ZCCHC24: variants seen among roughly 807,000 people sequenced by gnomAD.
ZCCHC24 encodes the protein zinc finger CCHC-type containing 24, also known as zinc finger CCHC domain-containing protein 24.
ZCCHC24 carries 10 observed loss-of-function variants against 26.2 expected under a neutral mutation model. The ratio of observed to expected loss-of-function variants is 0.38; its 90% CI spans 0.24 to 0.65. The LOEUF (loss-of-function observed/expected upper bound fraction) is 0.65, where lower values mean the gene tolerates loss of function less well. Among genes scored for constraint, ZCCHC24 ranks in the 30% least tolerant of loss-of-function variants. The pLI is 0.54. For missense variants in ZCCHC24, 243 were observed against 329.1 expected (o/e 0.74, Z 2.03); for synonymous variants, 144 against 147.1 (o/e 0.98, Z 0.15).
At chr10:79,400,254 G>T (rs1034275601) in intron 2 of ZCCHC24, among the ~76,000 whole-genome samples, 1 of 152,226 alleles carries the variant, frequency 6.6e-6, no homozygotes, top group Non-Finnish European at 1.5e-5. Context: ...TATCAGACAT[G>T]CGGACAAAAG....
intron 2 of ZCCHC24, among the ~76,000 whole-genome samples, chr10:79,396,119 T>G (rs765517362): frequency 3.9e-5 from 6 of 152,264 alleles, no homozygotes; most frequent in Non-Finnish European, 7.3e-5. Flanking sequence ...TTTGTCCTTT[T>G]GTGTCTGGCT....
chr10:79,416,166 T>C (rs1412005407), intron 2 of ZCCHC24, among the ~76,000 whole-genome samples: 3 of 152,146 alleles, frequency 2.0e-5, no homozygotes. Context: ...GCTTTCGTCA[T>C]TTCCAGCTTT....
chr10:79,432,434 C>A, intron 2 of ZCCHC24, 124 bp downstream of exon 2: 2 of 1,011,704 alleles, frequency 2.0e-6, no homozygotes, highest in Non-Finnish European at 1.4e-6. Context: ...GGCCAGAGGA[C>A]CACGGGGCCA....
chr10:79,397,034 T>G (rs1856556518), intron 2 of ZCCHC24, among the ~76,000 whole-genome samples: 1 of 152,240 alleles, frequency 6.6e-6, no homozygotes, highest in African/African-American at 2.4e-5. Context: ...TGGTACATAG[T>G]TTCTTCCTTT....
At chr10:79,439,304 A>G (rs569571374) in intron 1 of ZCCHC24, among the ~76,000 whole-genome samples, 10 of 152,330 alleles carry the variant, frequency 6.6e-5, no homozygotes, top group African/African-American at 2.4e-4. Flanking sequence ...AGGTTTCACT[A>G]TCTCCCAAGT....
chr10:79,428,516 G>T (rs1857078241), intron 2 of ZCCHC24, among the ~76,000 whole-genome samples: 1 of 140,748 alleles, frequency 7.1e-6, no homozygotes, highest in Non-Finnish European at 1.6e-5. Context: ...CTGGAAGGTG[G>T]TGATGGTCAT....
At chr10:79,436,837 CT>C (rs1448736507) in intron 1 of ZCCHC24, among the ~76,000 whole-genome samples, 1 of 152,204 alleles carries the variant, frequency 6.6e-6, no homozygotes, top group Non-Finnish European at 1.5e-5. Flanking sequence ...GTGGAAGCCC[CT>C]GGGCCATCTA....
At chr10:79,419,031 G>A (rs936711457) in intron 2 of ZCCHC24, among the ~76,000 whole-genome samples, 32 of 152,220 alleles carry the variant, frequency 2.1e-4, no homozygotes, top group African/African-American at 9.6e-5. Context: ...ATGCACGCAC[G>A]TTTGCATGTG....
chr10:79,402,817 T>C (rs1467121951), intron 2 of ZCCHC24, among the ~76,000 whole-genome samples: 1 of 152,224 alleles, frequency 6.6e-6, no homozygotes, highest in African/African-American at 2.4e-5. Flanking sequence ...TTCCACTGAA[T>C]GTGCGGCCTC....
intron 2 of ZCCHC24, among the ~76,000 whole-genome samples, chr10:79,429,057 A>T (rs541020018): frequency 6.6e-6 from 1 of 152,356 alleles, no homozygotes; most frequent in South Asian, 2.1e-4. Flanking sequence ...ACATCTGGAA[A>T]ATAATTACTG....
chr10:79,408,102 G>A (rs1172924025), intron 2 of ZCCHC24, among the ~76,000 whole-genome samples: 1 of 152,212 alleles, frequency 6.6e-6, no homozygotes, highest in East Asian at 1.9e-4. Context: ...CACCACCGAT[G>A]TTTGCCTTGG....
rs1173745254 is a variant in ZCCHC24, at chr10:79,385,236, G to C, written c.*1109C>G. The C allele has an allele frequency of 6.6e-6, 1 of 152,216 alleles. No individual in the cohort carries two copies. The highest frequency in any genetic ancestry group is 1.5e-5 in the Non-Finnish European group (1 of 68,040). 9.4% of individuals were successfully genotyped at this position (152,216 alleles called of 1,614,324 possible). ...CCTAAGACACCAAGTGAAGGGTCAC[G>C]ATGCGGGGTACCTGGCACCTGGGAG... On this transcript the variant is annotated 3_prime_UTR_variant, in exon 4 of 4. Transcript: ENST00000372336. This position sits in a 1 kb window ranked among gnomAD's most constrained non-coding sequence, Gnocchi z 4.3.
chr10:79,416,997 C>T (rs1278983360), intron 2 of ZCCHC24, among the ~76,000 whole-genome samples: 3 of 152,324 alleles, frequency 2.0e-5, no homozygotes, highest in African/African-American at 7.2e-5. Flanking sequence ...GTGGATGGCG[C>T]ACTGAAGCCA....
At chr10:79,411,543 G>C (rs1856791999) in intron 2 of ZCCHC24, among the ~76,000 whole-genome samples, 1 of 152,196 alleles carries the variant, frequency 6.6e-6, no homozygotes, top group Non-Finnish European at 1.5e-5. Flanking sequence ...CCAGATTCTA[G>C]AGGGAAAGGT....
intron 2 of ZCCHC24, among the ~76,000 whole-genome samples, chr10:79,417,061 G>A (rs2181077): frequency 0.23 from 35,703 of 152,110 alleles, 4,564 homozygotes; most frequent in African/African-American, 0.34. Context: ...CAGGTGCTGC[G>A]CTAAGTGATT....
At chr10:79,410,602 C>A (rs972179937) in intron 2 of ZCCHC24, among the ~76,000 whole-genome samples, 4 of 152,190 alleles carry the variant, frequency 2.6e-5, no homozygotes, top group Non-Finnish European at 2.9e-5. Flanking sequence ...GGAGGCCAGG[C>A]CAGTCCAGGT....
At chr10:79,430,686 C>CACCACACACACACACACACACACA (rs370025190) in intron 2 of ZCCHC24, among the ~76,000 whole-genome samples, 33 of 140,698 alleles carry the variant, frequency 2.3e-4, no homozygotes, top group South Asian at 2.2e-3. Context: ...CACACACACA[C>CACCACACACACACACACACACACA]CACACACACA....
chr10:79,438,578 C>T (rs1166564091), intron 1 of ZCCHC24, among the ~76,000 whole-genome samples: 1 of 152,212 alleles, frequency 6.6e-6, no homozygotes, highest in Non-Finnish European at 1.5e-5. Flanking sequence ...GCACAGCAAC[C>T]CTTCACCCAG....
chr10:79,437,135 C>A (rs759319159), intron 1 of ZCCHC24, among the ~76,000 whole-genome samples: 1 of 152,204 alleles, frequency 6.6e-6, no homozygotes, highest in African/African-American at 2.4e-5. Context: ...GCAGCCTAGA[C>A]TTCCTGGGCT....
Sources: allele counts gnomAD v4.1 joint callset (sites outside exome capture counted in the v4.1 genomes callset), GRCh38; gene constraint gnomAD v4.1.1; non-coding constraint Gnocchi (gnomAD v3.1); transcripts MANE v1.5; gene names NCBI Gene and HGNC (gene_info 2026-07-23, HGNC 2026-07-21).